ATP11A: variants seen among roughly 807,000 people sequenced by gnomAD.
ATP11A encodes phospholipid-transporting ATPase IH.
Under a neutral mutation model 154.4 loss-of-function variants are expected in ATP11A, and 81 were observed. The ratio of observed to expected loss-of-function variants is 0.52; its 90% CI spans 0.44 to 0.63. The LOEUF is 0.63. Ranked by LOEUF, ATP11A falls within the 30% of genes least tolerant of loss-of-function variation. ATP11A has a pLI of 0.00. For missense variants in ATP11A, 1,316 were observed against 1,474.3 expected (o/e 0.89, Z 1.76); for synonymous variants, 623 against 585.9 (o/e 1.06, Z -0.91).
intron 9 of ATP11A, among the ~76,000 whole-genome samples, chr13:112,823,994 T>G (rs2078866667): frequency 6.6e-6 from 1 of 152,254 alleles, no homozygotes; most frequent in Non-Finnish European, 1.5e-5. Context: ...TTTTATCGTC[T>G]GTATTTTGTA....
rs562218202 is a variant in ATP11A at position 112,883,955 on chromosome 13, A to C, written c.*2089A>C. ...TTAGAAATCTTAAAATTGCCTTTGC[A>C]CTGAAGTATTTTCATAGCTGTTTAT... is the stretch of plus-strand genomic sequence containing the variant. On this transcript the variant is annotated 3_prime_UTR_variant, in exon 30 of 30. Coordinates refer to ENST00000375645, the MANE Select transcript of ATP11A (RefSeq NM_015205.3). 6.5e-6 allele frequency: 1 copy of C among 152,752 alleles called. No homozygotes were observed. Among genetic ancestry groups the C allele is most frequent in the East Asian group, 1.9e-4 (1 of 5,192 alleles). 9.5% of individuals were successfully genotyped at this position (152,752 alleles called of 1,614,324 possible).
rs1246484266 is a variant in ATP11A, at chr13:112,885,297, C to T, written c.*3431C>T. On this transcript the variant is annotated 3_prime_UTR_variant, in exon 30 of 30. Transcript: ENST00000375645. ...GCTCCTACAGGCTTGCTCTCACACA[C>T]GTGTATGCACAGCAGAGAGACGTAT... is the stretch of plus-strand genomic sequence containing the variant. 1 of 152,134 alleles carries T rather than the reference C, an allele frequency of 6.6e-6. No individual in the cohort carries two copies. Among genetic ancestry groups the T allele is most frequent in the Non-Finnish European group, 1.5e-5 (1 of 68,058 alleles). The allele number at this position is 152,134 out of a possible 1,614,324, so 9.4% of individuals were successfully genotyped here. A position where few individuals can be genotyped will look rare whatever the true frequency, so the allele number is the denominator to read the frequency against.
intron 1 of ATP11A, among the ~76,000 whole-genome samples, chr13:112,725,112 T>C (rs1016431418): frequency 5.3e-5 from 8 of 152,166 alleles, no homozygotes; most frequent in African/African-American, 1.9e-4. Context: ...GGGGAAGACT[T>C]GAACTCCATC....
chr13:112,761,136 C>T (rs963700121), intron 1 of ATP11A, among the ~76,000 whole-genome samples: 6 of 152,132 alleles, frequency 3.9e-5, no homozygotes, highest in Admixed American at 6.5e-5. Context: ...TATGGCCTCT[C>T]GGTTATCAGA....
chr13:112,690,369 C>T lies in ATP11A; in HGVS notation c.-48C>T, dbSNP rs765918598. 6 of 1,247,056 alleles carry T rather than the reference C, an allele frequency of 4.8e-6. No individual in the cohort carries two copies. Among genetic ancestry groups the T allele is most frequent in the Non-Finnish European group, 6.0e-6 (6 of 995,422 alleles). The allele number at this position is 1,247,056 out of a possible 1,614,324, so 77.2% of individuals were successfully genotyped here. On this transcript the variant is annotated 5_prime_UTR_variant, in exon 1 of 30. Transcript: ENST00000375645. This position sits in a 1 kb window ranked among gnomAD's most constrained non-coding sequence, Gnocchi z 5.6. ...CCCCGGAGCCCATGGGCGCGCCGAG[C>T]CGGGCGCGGGGGCGCTGAACGGCGG... is the stretch of plus-strand genomic sequence containing the variant.
At position 112,819,997 on chromosome 13, in the gene ATP11A, C is replaced by T. The variant is rs371827027; in HGVS notation, c.725+47C>T. 7.3e-6 allele frequency: 11 copies of T among 1,506,292 alleles called. No individual in the cohort carries two copies. The African/African-American group carries it at 1.3e-4, about 17-fold the overall frequency. The allele number at this position is 1,506,292 out of a possible 1,614,324, so 93.3% of individuals were successfully genotyped here. ...TTGGCCACGGTCACCTCCCTTGTTGCGTTAGAAATGCATTCTTTGACGGAC... is the reference window on the plus strand; with the variant it reads ...TTGGCCACGGTCACCTCCCTTGTTGTGTTAGAAATGCATTCTTTGACGGAC... On this transcript the variant is annotated intron_variant, in intron 8 of 29. Coordinates refer to ENST00000375645, the MANE Select transcript of ATP11A (RefSeq NM_015205.3).
intron 25 of ATP11A, 121 bp downstream of exon 25, chr13:112,862,696 T>C: frequency 3.8e-6 from 5 of 1,315,348 alleles, no homozygotes; most frequent in Non-Finnish European, 5.2e-6. Flanking sequence ...GCGGGGTCCA[T>C]CACCACCTGC....
At position 112,810,493 on chromosome 13, in the gene ATP11A, A is replaced by G. The variant is rs2078459205; in HGVS notation, c.334-126A>G. On this transcript the variant is annotated intron_variant, in intron 4 of 29. Transcript: ENST00000375645. ...GTGTAGTGCATCCTCATGCTGAAAA[A>G]TACACCCCCACAGGCTTGGATTATG... 4.0e-6 allele frequency: 3 copies of G among 759,178 alleles called. No individual in the cohort carries two copies. In the South Asian group the frequency reaches 4.9e-5, roughly 12 times the overall value. The allele number at this position is 759,178 out of a possible 1,614,324, so 47.0% of individuals were successfully genotyped here. A position where few individuals can be genotyped will look rare whatever the true frequency, so the allele number is the denominator to read the frequency against.
intron 1 of ATP11A, among the ~76,000 whole-genome samples, chr13:112,781,827 A>G (rs1236012174): frequency 6.6e-6 from 1 of 151,118 alleles, no homozygotes; most frequent in Non-Finnish European, 1.5e-5. Context: ...TGTGGAGAAT[A>G]CAACACAAAG....
intron 1 of ATP11A, among the ~76,000 whole-genome samples, chr13:112,744,942 C>T (rs1891961284): frequency 6.6e-6 from 1 of 152,162 alleles, no homozygotes; most frequent in Non-Finnish European, 1.5e-5. Flanking sequence ...ATCTGGGAGT[C>T]TTAAAATAGT....
At chr13:112,714,027 C>G (rs1280163582) in intron 1 of ATP11A, among the ~76,000 whole-genome samples, 1 of 141,556 alleles carries the variant, frequency 7.1e-6, no homozygotes, top group African/African-American at 2.7e-5. Context: ...CCTGATCCCA[C>G]ACCTCCCTTT....
intron 21 of ATP11A, 33 bp downstream of exon 21, chr13:112,857,953 G>A: frequency 6.2e-7 from 1 of 1,608,798 alleles, no homozygotes; most frequent in Non-Finnish European, 8.5e-7. Flanking sequence ...GCACATCCTG[G>A]TGGCCAGGTC....
At chr13:112,740,719 C>T (rs1002798924) in intron 1 of ATP11A, among the ~76,000 whole-genome samples, 1 of 152,210 alleles carries the variant, frequency 6.6e-6, no homozygotes, top group Non-Finnish European at 1.5e-5. Flanking sequence ...CTGTCACCAC[C>T]GGTCTCCTCC....
intron 1 of ATP11A, among the ~76,000 whole-genome samples, chr13:112,774,872 G>T (rs2077308624): frequency 6.6e-6 from 1 of 152,250 alleles, no homozygotes; most frequent in African/African-American, 2.4e-5. Flanking sequence ...ACCGGCATCG[G>T]TGAAGAGCGT....
At chr13:112,751,177 C>CT in intron 1 of ATP11A, among the ~76,000 whole-genome samples, 1 of 152,290 alleles carries the variant, frequency 6.6e-6, no homozygotes, top group African/African-American at 2.4e-5. Flanking sequence ...TCTTCGTGTC[C>CT]TTCCATGGAT....
chr13:112,803,711 T>C (rs1337019673), intron 2 of ATP11A, among the ~76,000 whole-genome samples: 6 of 104,252 alleles, frequency 5.8e-5, no homozygotes, highest in South Asian at 7.2e-4. Context: ...CCTTCTCTCA[T>C]TCCCCTCCTT....
chr13:112,745,000 G>A (rs1379822237), intron 1 of ATP11A, among the ~76,000 whole-genome samples: 1 of 152,308 alleles, frequency 6.6e-6, no homozygotes, highest in South Asian at 2.1e-4. Flanking sequence ...TTTACTGATG[G>A]GGTAATTGGG....
intron 5 of ATP11A, among the ~76,000 whole-genome samples, chr13:112,814,014 T>G (rs1009330497): frequency 2.0e-5 from 3 of 152,142 alleles, no homozygotes; most frequent in African/African-American, 7.2e-5. Flanking sequence ...AAGCAAACGT[T>G]TTTAATTTTG....
chr13:112,882,630 C>T lies in ATP11A; in HGVS notation c.*764C>T, dbSNP rs377746481. The T allele has an allele frequency of 7.9e-4, 317 of 401,200 alleles. 6 individuals are homozygous for T. The East Asian group carries it at 0.01, about 13-fold the overall frequency. 24.9% of individuals were successfully genotyped at this position (401,200 alleles called of 1,614,324 possible). ...TGGGGCTGGCTGAGTTTCGGTCTCC[C>T]CATCACCGGCCGCCTCGTGGAGAAG... On this transcript the variant is annotated 3_prime_UTR_variant, in exon 30 of 30. Transcript: ENST00000375645. This position sits in a 1 kb window ranked among gnomAD's most constrained non-coding sequence, Gnocchi z 5.1.
Sources: gnomAD v4.1 joint callset for allele counts (sites outside exome capture counted in the v4.1 genomes callset) on GRCh38, gnomAD v4.1.1 for gene constraint, Gnocchi (gnomAD v3.1) non-coding constraint, MANE v1.5 for transcripts, NCBI Gene and HGNC (gene_info 2026-07-23, HGNC 2026-07-21) for gene names.